The following MYBPH variants were observed in gnomAD, a reference collection of about 807,000 sequenced individuals.
MYBPH encodes myosin binding protein H.
Under a neutral mutation model 53.6 loss-of-function variants are expected in MYBPH, and 49 were observed. The observed-to-expected ratio is 0.91, with a 90% CI of 0.73 to 1.16. The LOEUF (loss-of-function observed/expected upper bound fraction) is 1.16, where lower values mean the gene tolerates loss of function less well. MYBPH is among the 50% of genes most tolerant of loss of function. MYBPH has a pLI of 0.00. For synonymous variants in MYBPH, 239 were observed against 249.6 expected (o/e 0.96, Z 0.40); for missense variants, 558 against 624.1 (o/e 0.89, Z 1.13).
intron 10 of MYBPH, 26 bp from the exon 11 acceptor site, chr1:203,168,117 C>T (rs1655619113): frequency 1.8e-5 from 3 of 170,044 alleles, no homozygotes; most frequent in Non-Finnish European, 3.8e-5. Flanking sequence ...CTTCCTGAGC[C>T]CCTGGTGTGA....
intron 6 of MYBPH, 124 bp from the exon 7 acceptor site, chr1:203,170,574 G>C: frequency 7.8e-7 from 1 of 1,276,840 alleles, no homozygotes; most frequent in Non-Finnish European, 1.1e-6. Flanking sequence ...GAACCATCCA[G>C]CTTTGGGCCT....
upstream of MYBPH, chr1:203,175,867 G>T: frequency 9.4e-7 from 1 of 1,065,220 alleles, no homozygotes; most frequent in Non-Finnish European, 1.4e-6. Context: ...GTCAGGGGCT[G>T]CCCCACCCCC....
upstream of MYBPH, chr1:203,175,959 G>A (rs1436967111): frequency 6.8e-6 from 4 of 591,250 alleles, no homozygotes; most frequent in Non-Finnish European, 9.0e-6. Flanking sequence ...AATAGCTCTG[G>A]GGGAGGAACC....
Position 203,169,337 on chromosome 1 carries a change from G to A in MYBPH, c.1146C>T (p.Pro382=), listed in dbSNP as rs1372631741. Residue 382 remains proline, a synonymous_variant, in exon 8 of 11, where the codon CCC becomes CCT. Coordinates refer to ENST00000255416, the MANE Select transcript of MYBPH (RefSeq NM_004997.3). ...GGTCAGCCAGGGGCTGGGTGAATGA[G>A]GGGGCTTCTGAGAAGTCTCGCTCAA... The part of the protein sequence containing the change: ...GFIERDFSEA[P]SFTQPLADHT... 2 of 1,610,052 alleles carry A rather than the reference G, an allele frequency of 1.2e-6. No individual in the cohort carries two copies. Among genetic ancestry groups the A allele is most frequent in the Non-Finnish European group, 1.7e-6 (2 of 1,177,960 alleles).
At chr1:203,168,750 C>T in intron 9 of MYBPH, 75 bp from the exon 10 acceptor site, 3 of 1,605,410 alleles carry the variant, frequency 1.9e-6, no homozygotes, top group South Asian at 2.2e-5. Flanking sequence ...ACACCCTCTT[C>T]TACACCTGTC....
chr1:203,178,544 C>T (rs1019233560), upstream of MYBPH, among the ~76,000 whole-genome samples: 1 of 152,224 alleles, frequency 6.6e-6, no homozygotes, highest in Non-Finnish European at 1.5e-5. Context: ...GCTTTCTAAC[C>T]TGGTCCTGTG....
In MYBPH at chr1:203,175,561, G is replaced by A; in HGVS notation, c.195C>T (p.Pro65=). The A allele has an allele frequency of 6.2e-7, 1 of 1,613,944 alleles. No individual in the cohort carries two copies. Among genetic ancestry groups the A allele is most frequent in the Non-Finnish European group, 8.5e-7 (1 of 1,179,962 alleles). ...CCCACCTTCAGTCACCTTCACTTGGGGGTGCAGGCTTAGTGGCTGTGGAGG... is the reference window on the plus strand; with the variant it reads ...CCCACCTTCAGTCACCTTCACTTGGAGGTGCAGGCTTAGTGGCTGTGGAGG... ...PTASTATKPA[P]PSEDVPSAPL... is the part of the protein sequence containing the mutation. Residue 65 remains proline (P), a synonymous_variant, in exon 1 of 11, where the codon CCC becomes CCT. Transcript: ENST00000255416.
Position 203,174,499 on chromosome 1 carries a change from C to T in MYBPH, c.439G>A (p.Ala147Thr), listed in dbSNP as rs60470214. 22 of 1,613,472 alleles carry T rather than the reference C, an allele frequency of 1.4e-5. No homozygotes were observed. Among genetic ancestry groups the T allele is most frequent in the South Asian group, 1.2e-4 (11 of 91,066 alleles). Residue 147 changes from alanine to threonine, a missense_variant, in exon 3 of 11, where the codon GCA becomes ACA. By Grantham distance (58) the Ala-to-Thr change is moderately conservative. Transcript: ENST00000255416. ...LGDKFLLRVS[A>T]VSSAGAGPPA... ...GGGCCAGCCCCTGCAGAACTCACTG[C>T]AGACACGCGCAGGAGGAACTTGTCT...
upstream of MYBPH, among the ~76,000 whole-genome samples, chr1:203,176,057 C>T (rs532349119): frequency 2.0e-5 from 3 of 152,220 alleles, no homozygotes; most frequent in South Asian, 2.1e-4. Context: ...TGGGGGAGGG[C>T]GCAGATGGGT....
Position 203,171,130 on chromosome 1 carries a change from C to T in MYBPH, c.864G>A (p.Thr288=), listed in dbSNP as rs751314783. Residue 288 remains threonine, a synonymous_variant, in exon 6 of 11, where the codon ACG becomes ACA. Coordinates refer to ENST00000255416, the MANE Select transcript of MYBPH (RefSeq NM_004997.3). The surrounding 1 kb of genome is among the most constrained non-coding windows in gnomAD (Gnocchi z 4.2). ...VWGCNAALQW[T]PPQDTGNTEL... The stretch of plus-strand genomic sequence containing the variant: ...CTGTGTTGCCTGTGTCCTGGGGTGG[C>T]GTCCACTGAAGAGCAGCATTGCAGC... 17 of 1,613,270 alleles carry T rather than the reference C, an allele frequency of 1.1e-5. No homozygotes were observed. The highest frequency in any genetic ancestry group is 1.3e-5 in the Non-Finnish European group (15 of 1,179,658).
chr1:203,178,652 C>T (rs779507099), upstream of MYBPH, among the ~76,000 whole-genome samples: 5 of 152,212 alleles, frequency 3.3e-5, no homozygotes, highest in South Asian at 2.1e-4. Flanking sequence ...AAACAGAAAA[C>T]GTTTCTTTCA....
In MYBPH at chr1:203,170,257, G is replaced by A. The variant is rs368958110; in HGVS notation, c.1093+34C>T. ...GGAGGAAGAAGCAGAGACAGGGAGA[G>A]AGTTAGCACAGCCAGCTCCGGGCCC... On this transcript the variant is annotated intron_variant, in intron 7 of 10. Transcript: ENST00000255416. The A allele has an allele frequency of 2.7e-5, 43 of 1,612,324 alleles. 1 individual carries two copies. The African/African-American group carries it at 5.1e-4, about 19-fold the overall frequency.
At chr1:203,170,174 G>T (rs921614374) in intron 7 of MYBPH, 117 bp downstream of exon 7, 39 of 1,289,588 alleles carry the variant, frequency 3.0e-5, no homozygotes, top group Non-Finnish European at 4.2e-5. Context: ...TGAGGAGACG[G>T]CAAGTGTTCC....
In MYBPH at chr1:203,171,700, G is replaced by A. The variant is rs528941969; in HGVS notation, c.598-122C>T. 4.6e-6 allele frequency: 5 copies of A among 1,079,156 alleles called. No individual in the cohort carries two copies. Among genetic ancestry groups the A allele is most frequent in the Non-Finnish European group, 6.4e-6 (5 of 775,502 alleles). The allele number at this position is 1,079,156 out of a possible 1,614,324, so 66.8% of individuals were successfully genotyped here. A position where few individuals can be genotyped will look rare whatever the true frequency, so the allele number is the denominator to read the frequency against. The stretch of plus-strand genomic sequence containing the variant: ...CTGTCCCACTGGCCCTTCTCAGGAG[G>A]GGCAGCAGAGGCTGGAGCCACAGGT... On this transcript the variant is annotated intron_variant, in intron 4 of 10. Transcript: ENST00000255416. This position sits in a 1 kb window ranked among gnomAD's most constrained non-coding sequence, Gnocchi z 4.2.
At chr1:203,175,953 G>A (rs1364307665), upstream of MYBPH, 17 of 594,118 alleles carry the variant, frequency 2.9e-5, no homozygotes, top group Non-Finnish European at 4.2e-5. Flanking sequence ...GCCAGGAATA[G>A]CTCTGGGGGA....
At chr1:203,177,624 A>G (rs1054536631), upstream of MYBPH, among the ~76,000 whole-genome samples, 1 of 152,088 alleles carries the variant, frequency 6.6e-6, no homozygotes, top group Non-Finnish European at 1.5e-5. Context: ...TGGAGACTGG[A>G]TCTCCATCCT....
In MYBPH at chr1:203,175,744, T is replaced by G; in HGVS notation, c.12A>C (p.Lys4Asn). The G allele has an allele frequency of 6.2e-7, 1 of 1,613,958 alleles. No individual in the cohort carries two copies. The highest frequency in any genetic ancestry group is 8.5e-7 in the Non-Finnish European group (1 of 1,180,010). MME[K>N]NTSEGPACSP... is the part of the protein sequence containing the mutation. ...TGCAGGCAGGGCCCTCGGAGGTGTTTTTTTCCATCATTGCTGGACTGGCTG... is the reference window on the plus strand; with the variant it reads ...TGCAGGCAGGGCCCTCGGAGGTGTTGTTTTCCATCATTGCTGGACTGGCTG... Residue 4 changes from lysine (K) to asparagine (N), a missense_variant, in exon 1 of 11, where the codon AAA becomes AAC. Transcript: ENST00000255416.
At position 203,171,347 on chromosome 1, in the gene MYBPH, C is replaced by G. The variant is rs1344500082; in HGVS notation, c.793+36G>C. On this transcript the variant is annotated intron_variant, in intron 5 of 10. Coordinates refer to ENST00000255416, the MANE Select transcript of MYBPH (RefSeq NM_004997.3). This position sits in a 1 kb window ranked among gnomAD's most constrained non-coding sequence, Gnocchi z 4.2. ...GGATAGGAGGTTGGGGGCTCCAGGT[C>G]CCCCATGAGACAGCACTGTTCCCCT... is the stretch of plus-strand genomic sequence containing the variant. 3.1e-6 allele frequency: 5 copies of G among 1,588,998 alleles called. No homozygotes were observed. Among genetic ancestry groups the G allele is most frequent in the East Asian group, 2.2e-5 (1 of 44,546 alleles).
At chr1:203,178,375 C>G (rs1655856215), upstream of MYBPH, among the ~76,000 whole-genome samples, 1 of 152,242 alleles carries the variant, frequency 6.6e-6, no homozygotes, top group Non-Finnish European at 1.5e-5. Context: ...TCAGCCCAGC[C>G]ACGGAATGGG....
Sources: gnomAD v4.1 joint callset for allele counts (sites outside exome capture counted in the v4.1 genomes callset) on GRCh38, gnomAD v4.1.1 for gene constraint, Gnocchi (gnomAD v3.1) non-coding constraint, MANE v1.5 for transcripts, NCBI Gene and HGNC (gene_info 2026-07-23, HGNC 2026-07-21) for gene names.